Variants in LCLAT1 observed in about 807,000 individuals in gnomAD.
LCLAT1 encodes the protein 1-AGP acyltransferase 8.
In LCLAT1, 11 loss-of-function variants were observed where a neutral mutation model predicts 30.7. The observed-to-expected ratio is 0.36, with a 90% CI of 0.23 to 0.59. LCLAT1 has a LOEUF of 0.59. Among genes scored for constraint, LCLAT1 ranks in the 20% least tolerant of loss-of-function variants. LCLAT1 has a pLI of 0.77. For synonymous variants in LCLAT1, 155 were observed against 151.3 expected (o/e 1.02, Z -0.18); for missense variants, 402 against 458.6 (o/e 0.88, Z 1.13).
chr2:30,610,755 G>A (rs1667697272), intron 5 of LCLAT1, among the ~76,000 whole-genome samples: 1 of 151,988 alleles, frequency 6.6e-6, no homozygotes, highest in Non-Finnish European at 1.5e-5. Context: ...CCAGCTGGTT[G>A]GTCCAACACA....
intron 1 of LCLAT1, among the ~76,000 whole-genome samples, chr2:30,483,180 A>G (rs770267529): frequency 2.6e-5 from 4 of 152,280 alleles, no homozygotes; most frequent in Admixed American, 1.3e-4. Flanking sequence ...ATTCTGTCCT[A>G]TCATCACAAT....
chr2:30,616,590 C>T (rs1322409077), intron 5 of LCLAT1, among the ~76,000 whole-genome samples: 2 of 152,036 alleles, frequency 1.3e-5, no homozygotes, highest in African/African-American at 4.8e-5. Flanking sequence ...GTTGATGTAA[C>T]CTTTTTCCTT....
At chr2:30,553,815 C>G (rs555916261) in intron 3 of LCLAT1, among the ~76,000 whole-genome samples, 1 of 151,658 alleles carries the variant, frequency 6.6e-6, no homozygotes, top group Admixed American at 6.6e-5. Flanking sequence ...GAGCGAGACT[C>G]CGTCTCAAAA....
chr2:30,552,545 C>T (rs758303114), intron 3 of LCLAT1: 3 of 448,628 alleles, frequency 6.7e-6, no homozygotes, highest in Admixed American at 4.8e-5. Flanking sequence ...AGGATTGTTG[C>T]TGCAAAAATG....
chr2:30,559,914 ACT>A (rs1478534117), intron 3 of LCLAT1, among the ~76,000 whole-genome samples: 1 of 152,116 alleles, frequency 6.6e-6, no homozygotes, highest in African/African-American at 2.4e-5. Context: ...CCCATTGAAC[ACT>A]CTGTGCTAAA....
chr2:30,493,886 G>A (rs969487988), intron 1 of LCLAT1, among the ~76,000 whole-genome samples: 1 of 152,126 alleles, frequency 6.6e-6, no homozygotes, highest in African/African-American at 2.4e-5. Context: ...GGGCGAAGTG[G>A]CTCATGCCTA....
chr2:30,571,443 A>G (rs1480123247), intron 5 of LCLAT1, among the ~76,000 whole-genome samples: 3 of 152,216 alleles, frequency 2.0e-5, no homozygotes, highest in Admixed American at 2.0e-4. Context: ...TATACCAATC[A>G]TAGACAGCTT....
rs1682399120 is a variant in LCLAT1 at position 30,465,948 on chromosome 2, A to G, written c.-5+18565A>G. 4.6e-5 allele frequency among the ~76,000 whole-genome samples: 7 copies of G among 152,058 alleles called. 1 individual carries two copies. In the South Asian group the frequency reaches 1.2e-3, roughly 27 times the overall value. ...TTTTTTCAACCAAGTGGTAGATTAT[A>G]TAACTAATGTTACAATTAATTTTTT... On this transcript the variant is annotated intron_variant, in intron 1 of 5. Transcript: ENST00000379509.
At chr2:30,516,688 AACAAAGACCC>A (rs1685202306) in intron 1 of LCLAT1, among the ~76,000 whole-genome samples, 1 of 152,168 alleles carries the variant, frequency 6.6e-6, no homozygotes, top group African/African-American at 2.4e-5. Context: ...GAGCTCTAAG[AACAAAGACCC>A]ACCAGTAACA....
intron 1 of LCLAT1, among the ~76,000 whole-genome samples, chr2:30,482,005 T>A (rs190173932): frequency 6.6e-6 from 1 of 152,342 alleles, no homozygotes; most frequent in East Asian, 1.9e-4. Context: ...AAGCTGAGTA[T>A]TCAATCTGTT....
chr2:30,616,326 C>T (rs1414158987), intron 5 of LCLAT1, among the ~76,000 whole-genome samples: 1 of 152,102 alleles, frequency 6.6e-6, no homozygotes, highest in Non-Finnish European at 1.5e-5. Flanking sequence ...CTGAATCAAA[C>T]AGATTAGATG....
At chr2:30,620,543 G>C (rs1050326774) in intron 5 of LCLAT1, among the ~76,000 whole-genome samples, 4 of 152,164 alleles carry the variant, frequency 2.6e-5, no homozygotes, top group Admixed American at 6.5e-5. Context: ...TAGAAAATTA[G>C]AAGTCTCCAT....
intron 1 of LCLAT1, among the ~76,000 whole-genome samples, chr2:30,514,587 AAGGT>A (rs1685098232): frequency 1.3e-5 from 2 of 152,138 alleles, no homozygotes; most frequent in South Asian, 4.1e-4. Context: ...CGGTGGTCAA[AAGGT>A]AGCCTATATT....
intron 5 of LCLAT1, among the ~76,000 whole-genome samples, chr2:30,581,636 G>A (rs1666217499): frequency 6.6e-6 from 1 of 152,178 alleles, no homozygotes; most frequent in Non-Finnish European, 1.5e-5. Context: ...AGCACATAAT[G>A]TTGAGTAAAA....
chr2:30,625,381 G>C (rs562143686), intron 5 of LCLAT1, among the ~76,000 whole-genome samples: 1 of 152,256 alleles, frequency 6.6e-6, no homozygotes, highest in Non-Finnish European at 1.5e-5. Flanking sequence ...AATAAGCTCA[G>C]TTAGAAATGA....
intron 4 of LCLAT1, among the ~76,000 whole-genome samples, chr2:30,565,741 T>C (rs1358995507): frequency 6.6e-6 from 1 of 152,174 alleles, no homozygotes; most frequent in Admixed American, 6.5e-5. Context: ...TAAAAATATG[T>C]CAGTCATAAG....
chr2:30,467,952 C>T (rs571768252), intron 1 of LCLAT1, among the ~76,000 whole-genome samples: 1 of 152,158 alleles, frequency 6.6e-6, no homozygotes. Flanking sequence ...AATTAGATCC[C>T]ATTTGTCAGT....
chr2:30,536,046 T>C (rs879517888), intron 3 of LCLAT1, among the ~76,000 whole-genome samples: 9 of 151,938 alleles, frequency 5.9e-5, no homozygotes, highest in Middle Eastern at 3.4e-3. Context: ...AACAATAAAC[T>C]AGATCAAGCA....
intron 1 of LCLAT1, among the ~76,000 whole-genome samples, chr2:30,477,919 T>G (rs1683127969): frequency 6.6e-6 from 1 of 152,122 alleles, no homozygotes; most frequent in East Asian, 1.9e-4. Context: ...TTCCTTCTGT[T>G]TTTCTAATTT....
Sources: allele counts gnomAD v4.1 joint callset (sites outside exome capture counted in the v4.1 genomes callset), GRCh38; gene constraint gnomAD v4.1.1; transcripts MANE v1.5; gene names NCBI Gene and HGNC (gene_info 2026-07-23, HGNC 2026-07-21).